RABGAP1: variants seen among roughly 807,000 people sequenced by gnomAD.
RABGAP1 encodes RAB GTPase activating protein 1, also known as rab GTPase-activating protein 1.
A neutral mutation model predicts 137.6 loss-of-function variants in RABGAP1; 23 were observed. That is an observed-to-expected ratio of 0.17 (90% CI 0.12 to 0.24). RABGAP1 has a LOEUF of 0.24. Among genes scored for constraint, RABGAP1 ranks in the 10% least tolerant of loss-of-function variants. The pLI is 1.00. For synonymous variants in RABGAP1, 451 were observed against 450.7 expected, an observed-to-expected ratio of 1.00 and a Z score of -0.01; for missense variants, 906 against 1,275.8, an observed-to-expected ratio of 0.71 and a Z score of 4.42.
rs148754923 is a variant in RABGAP1 at position 123,073,632 on chromosome 9, C to T, written c.2064C>T (p.Phe688=). 1.2e-4 allele frequency: 189 copies of T among 1,613,754 alleles called. No individual in the cohort carries two copies. In the African/African-American group the frequency reaches 2.0e-3, roughly 17 times the overall value. The change falls in exon 16 of 26, where the codon TTC becomes TTT. Residue 688 remains phenylalanine (F), a synonymous_variant. Transcript: ENST00000373647. ...YGLRELFKQN[F]EDLHCKFYQL... ...TCAGGGAACTTTTCAAGCAAAACTT[C>T]GAAGATTTGCATTGCAAATTTTACC...
intron 4 of RABGAP1, among the ~76,000 whole-genome samples, chr9:122,987,955 T>A (rs1289457706): frequency 6.6e-6 from 1 of 152,224 alleles, no homozygotes; most frequent in East Asian, 1.9e-4. Flanking sequence ...TTTTGGACTT[T>A]CATGGTGACA....
At chr9:123,020,559 ATTTAT>A (rs1319325013) in intron 13 of RABGAP1, 100 bp downstream of exon 13, 1 of 1,178,836 alleles carries the variant, frequency 8.5e-7, no homozygotes, top group African/African-American at 1.6e-5. Flanking sequence ...TTTATTATTA[ATTTAT>A]TTAAGAATAG....
chr9:122,961,658 T>C (rs1321912354), intron 2 of RABGAP1, among the ~76,000 whole-genome samples: 1 of 152,230 alleles, frequency 6.6e-6, no homozygotes, highest in African/African-American at 2.4e-5. Context: ...TTTTCTCTTT[T>C]GTGTTGTGTA....
chr9:123,043,169 A>G (rs1393778543), intron 13 of RABGAP1, among the ~76,000 whole-genome samples: 2 of 152,218 alleles, frequency 1.3e-5, no homozygotes, highest in Non-Finnish European at 2.9e-5. Flanking sequence ...AAGTTACTGA[A>G]GGATATGCTT....
intron 14 of RABGAP1, 25 bp downstream of exon 14, chr9:123,065,486 G>C: frequency 6.9e-7 from 1 of 1,442,396 alleles, no homozygotes; most frequent in South Asian, 1.1e-5. Flanking sequence ...AAAAAAAAAG[G>C]ACTCAATTCT....
intron 13 of RABGAP1, among the ~76,000 whole-genome samples, chr9:123,063,809 G>C (rs2034068403): frequency 6.6e-6 from 1 of 152,184 alleles, no homozygotes; most frequent in Non-Finnish European, 1.5e-5. Flanking sequence ...TGTAGGCATT[G>C]TGTCCTGGCC....
At chr9:122,956,775 A>G (rs1834550398) in intron 1 of RABGAP1, among the ~76,000 whole-genome samples, 1 of 152,172 alleles carries the variant, frequency 6.6e-6, no homozygotes, top group Non-Finnish European at 1.5e-5. Flanking sequence ...GTTATCCTGA[A>G]GGGAATATGT....
At chr9:123,098,508 T>G (rs2035249945) in intron 22 of RABGAP1, among the ~76,000 whole-genome samples, 1 of 152,138 alleles carries the variant, frequency 6.6e-6, no homozygotes, top group African/African-American at 2.4e-5. Context: ...GGTCTGACGT[T>G]TTTGGAAGTT....
chr9:123,045,214 G>A (rs1479462144), intron 13 of RABGAP1, among the ~76,000 whole-genome samples: 1 of 152,174 alleles, frequency 6.6e-6, no homozygotes, highest in Non-Finnish European at 1.5e-5. Flanking sequence ...AAAGACAAAA[G>A]TTATAGCATT....
At chr9:123,014,392 T>G (rs1417674869) in intron 11 of RABGAP1, among the ~76,000 whole-genome samples, 1 of 152,166 alleles carries the variant, frequency 6.6e-6, no homozygotes, top group African/African-American at 2.4e-5. Context: ...TTTAGAAAAT[T>G]TAGAAAGTCA....
At chr9:122,989,905 C>A in intron 5 of RABGAP1, 151 bp from the exon 6 acceptor site, 1 of 852,582 alleles carries the variant, frequency 1.2e-6, no homozygotes, top group Non-Finnish European at 1.8e-6. Context: ...GTGTTGCTTG[C>A]TTTATAGGCC....
chr9:123,036,878 AATT>A (rs1401137808), intron 13 of RABGAP1, among the ~76,000 whole-genome samples: 1 of 151,792 alleles, frequency 6.6e-6, no homozygotes, highest in Non-Finnish European at 1.5e-5. Flanking sequence ...TCTTCTATAG[AATT>A]ATTATTGAGA....
chr9:123,026,169 C>T (rs1346242801), intron 13 of RABGAP1, among the ~76,000 whole-genome samples: 1 of 151,982 alleles, frequency 6.6e-6, no homozygotes, highest in Admixed American at 6.6e-5. Context: ...ACTAAAAATA[C>T]AAGAATTAGC....
chr9:122,982,571 A>T (rs1290489372), intron 2 of RABGAP1, among the ~76,000 whole-genome samples: 1 of 152,120 alleles, frequency 6.6e-6, no homozygotes, highest in African/African-American at 2.4e-5. Flanking sequence ...TGTTTTTGGG[A>T]AGCTGTATAA....
intron 19 of RABGAP1, among the ~76,000 whole-genome samples, chr9:123,085,141 A>G (rs933497518): frequency 2.0e-5 from 3 of 152,230 alleles, no homozygotes; most frequent in Non-Finnish European, 4.4e-5. Context: ...GTGAGTGACC[A>G]AAGGAGAGAT....
chr9:122,983,591 T>C, intron 2 of RABGAP1, among the ~76,000 whole-genome samples: 2 of 152,234 alleles, frequency 1.3e-5, no homozygotes, highest in East Asian at 3.8e-4. Flanking sequence ...TTAATTTTGC[T>C]AGGGTAGGCC....
At chr9:123,036,791 C>G (rs966134945) in intron 13 of RABGAP1, among the ~76,000 whole-genome samples, 1 of 151,554 alleles carries the variant, frequency 6.6e-6, no homozygotes, top group Non-Finnish European at 1.5e-5. Context: ...GAAAAAAAAT[C>G]CTTTGGCATA....
At chr9:122,956,821 C>CT (rs1381608114) in intron 1 of RABGAP1, among the ~76,000 whole-genome samples, 190 bp from the exon 2 acceptor site, 10 of 151,456 alleles carry the variant, frequency 6.6e-5, no homozygotes, top group Admixed American at 2.0e-4. Context: ...ATATCTTGGC[C>CT]TTGAATAGCA....
intron 13 of RABGAP1, among the ~76,000 whole-genome samples, chr9:123,023,121 T>C (rs1012869140): frequency 6.6e-6 from 1 of 152,176 alleles, no homozygotes; most frequent in Admixed American, 6.5e-5. Flanking sequence ...ATACCCTTAC[T>C]ACACCCCTGA....
Sources: gnomAD v4.1 joint callset for allele counts (sites outside exome capture counted in the v4.1 genomes callset) on GRCh38, gnomAD v4.1.1 for gene constraint, MANE v1.5 for transcripts, NCBI Gene and HGNC (gene_info 2026-07-23, HGNC 2026-07-21) for gene names.